Variants in ARHGEF3 observed in about 807,000 individuals in gnomAD.
ARHGEF3 encodes 59.8 kDA protein.
A neutral mutation model predicts 63.2 loss-of-function variants in ARHGEF3; 28 were observed. The observed-to-expected ratio is 0.44, with a 90% CI of 0.33 to 0.61. The LOEUF is 0.61. Among genes scored for constraint, ARHGEF3 ranks in the 20% least tolerant of loss-of-function variants. The pLI is 0.03. For missense variants in ARHGEF3, 533 were observed against 659.3 expected, an observed-to-expected ratio of 0.81 and a Z score of 2.10; for synonymous variants, 266 against 254.2, an observed-to-expected ratio of 1.05 and a Z score of -0.44.
At chr3:56,844,318 T>C (rs1020937572) in intron 4 of ARHGEF3, among the ~76,000 whole-genome samples, 1 of 152,208 alleles carries the variant, frequency 6.6e-6, no homozygotes, top group Non-Finnish European at 1.5e-5. Flanking sequence ...GTGCCAGGAT[T>C]AGCTTTTCTA....
chr3:56,759,405 G>A lies in ARHGEF3; in HGVS notation c.205-4254C>T, dbSNP rs892086069. On this transcript the variant is annotated intron_variant, in intron 2 of 9. Transcript: ENST00000296315. Reference sequence around the variant, plus strand: ...ATGTTGGTCTCGATCTCCTGACCTCGTGATCCGCCTGCCTTGGCCTCCCGA... The same window carrying A: ...ATGTTGGTCTCGATCTCCTGACCTCATGATCCGCCTGCCTTGGCCTCCCGA... Among the ~76,000 whole-genome samples, 7 of 152,224 alleles carry A rather than the reference G, an allele frequency of 4.6e-5. 1 individual carries two copies. Among genetic ancestry groups the A allele is most frequent in the East Asian group, 1.9e-4 (1 of 5,166 alleles).
At chr3:56,784,637 G>A (rs1460769832) in intron 1 of ARHGEF3, among the ~76,000 whole-genome samples, 3 of 152,214 alleles carry the variant, frequency 2.0e-5, no homozygotes, top group African/African-American at 7.2e-5. Context: ...TGGAGAAGGA[G>A]GAAAAGGATG....
rs1406618896 is a variant in ARHGEF3 at position 56,753,525 on chromosome 3, T to C, written c.417A>G (p.Glu139=). The C allele has an allele frequency of 6.2e-7, 1 of 1,613,690 alleles. No individual in the cohort carries two copies. The highest frequency in any genetic ancestry group is 1.3e-5 in the African/African-American group (1 of 74,916). The part of the protein sequence containing the change: ...ELSQGEEDLI[E]DLKLAKKAYH... The stretch of plus-strand genomic sequence containing the variant: ...TTACCTTTTTTGCTAATTTCAAGTC[T>C]TCTATCAAGTCTTCTTCTCCTTGGG... Residue 139 remains glutamate (E), a synonymous_variant, in exon 4 of 10, where the codon GAA becomes GAG. Transcript: ENST00000296315.
chr3:56,864,778 T>C (rs1171152409), intron 4 of ARHGEF3, among the ~76,000 whole-genome samples: 1 of 152,226 alleles, frequency 6.6e-6, no homozygotes, highest in Non-Finnish European at 1.5e-5. Context: ...CAGGAAGCTA[T>C]GCAATGATCA....
At position 56,983,937 on chromosome 3, in the gene ARHGEF3, G is replaced by GAAAA. The variant is rs11401240; in HGVS notation, c.63-25052_63-25049dup. ...GTGACAGAGCGAGACTCCGTCTCGAGAAAAAAAAAAAAAAAAAAGACTGGC... is the reference window on the plus strand; with the variant it reads ...GTGACAGAGCGAGACTCCGTCTCGAGAAAAAAAAAAAAAAAAAAAAAAGACTGGC... On this transcript the variant is annotated intron_variant, in intron 2 of 12. Coordinates refer to the ARHGEF3 transcript ENST00000338458. 1.2e-4 allele frequency among the ~76,000 whole-genome samples: 14 copies of GAAAA among 112,510 alleles called. No homozygotes were observed. In the South Asian group the frequency reaches 2.0e-3, roughly 16 times the overall value. The allele number at this position is 112,510 out of a possible 152,430, so 73.8% of individuals were successfully genotyped here. A position where few individuals can be genotyped will look rare whatever the true frequency, so the allele number is the denominator to read the frequency against.
chr3:57,036,955 G>A (rs1016314286), intron 1 of ARHGEF3, among the ~76,000 whole-genome samples: 8 of 152,216 alleles, frequency 5.3e-5, no homozygotes, highest in Admixed American at 3.3e-4. Flanking sequence ...AGGACCTACA[G>A]GATACCTGGG....
At chr3:57,006,749 C>G (rs753818386) in intron 2 of ARHGEF3, among the ~76,000 whole-genome samples, 8 of 152,200 alleles carry the variant, frequency 5.3e-5, no homozygotes, top group Non-Finnish European at 8.8e-5. Flanking sequence ...GACACCCCCC[C>G]AAACACGGTC....
At chr3:57,011,232 G>A (rs1411597322) in intron 2 of ARHGEF3, among the ~76,000 whole-genome samples, 13 of 152,126 alleles carry the variant, frequency 8.5e-5, no homozygotes, top group Admixed American at 7.2e-4. Context: ...AAGTTAAACC[G>A]CCTGGAACTT....
intron 4 of ARHGEF3, among the ~76,000 whole-genome samples, chr3:56,861,935 A>G (rs1485850590): frequency 6.7e-6 from 1 of 148,976 alleles, no homozygotes. Flanking sequence ...CTCTGCTTCC[A>G]CTGGTCTATA....
chr3:56,986,559 A>T (rs1362479824), intron 2 of ARHGEF3, among the ~76,000 whole-genome samples: 1 of 152,180 alleles, frequency 6.6e-6, no homozygotes, highest in African/African-American at 2.4e-5. Context: ...GGGACGGTGC[A>T]GTTGGGAGTA....
chr3:56,773,881 T>A (rs1461287850), intron 1 of ARHGEF3, 65 bp from the exon 2 acceptor site: 2 of 1,319,904 alleles, frequency 1.5e-6, no homozygotes, highest in Non-Finnish European at 2.1e-6. Context: ...CATAACTCCA[T>A]CATACAACTG....
At chr3:56,932,503 T>C (rs919908194) in intron 3 of ARHGEF3, among the ~76,000 whole-genome samples, 1 of 152,172 alleles carries the variant, frequency 6.6e-6, no homozygotes, top group Non-Finnish European at 1.5e-5. Context: ...TTACAACTCA[T>C]ATGAACAAAA....
At chr3:56,909,116 G>A (rs1001837234) in intron 3 of ARHGEF3, among the ~76,000 whole-genome samples, 13 of 152,222 alleles carry the variant, frequency 8.5e-5, no homozygotes, top group Non-Finnish European at 1.6e-4. Context: ...GAGAGAGAAA[G>A]AAGGAGAAGG....
chr3:57,001,941 T>G (rs1702210918), intron 2 of ARHGEF3, among the ~76,000 whole-genome samples: 1 of 143,772 alleles, frequency 7.0e-6, no homozygotes, highest in Non-Finnish European at 1.5e-5. Flanking sequence ...TTTTTTGTTT[T>G]GAGACGGAGT....
chr3:56,995,070 G>A (rs1189192636), intron 2 of ARHGEF3, among the ~76,000 whole-genome samples: 1 of 152,026 alleles, frequency 6.6e-6, no homozygotes, highest in Non-Finnish European at 1.5e-5. Context: ...GTTCTCCTCT[G>A]GGGAACTGTT....
chr3:56,977,530 T>A (rs1258892458), intron 2 of ARHGEF3, among the ~76,000 whole-genome samples: 1 of 152,160 alleles, frequency 6.6e-6, no homozygotes, highest in Non-Finnish European at 1.5e-5. Flanking sequence ...TGCCCCCAAC[T>A]TGCTCAAAGT....
Position 56,993,953 on chromosome 3 carries a change from A to G in ARHGEF3, c.63-35064T>C, listed in dbSNP as rs557649522. ...GTGATGGGTGCCTGTAATCCCAGCT[A>G]CTCAGGAGGCTGAGGCAGGAGAAAC... On this transcript the variant is annotated intron_variant, in intron 2 of 12. Coordinates refer to the ARHGEF3 transcript ENST00000338458. Among the ~76,000 whole-genome samples the G allele has an allele frequency of 1.3e-3, 193 of 150,626 alleles. 1 individual carries two copies. The highest frequency in any genetic ancestry group is 2.2e-3 in the Non-Finnish European group (150 of 67,668).
chr3:57,003,513 C>T (rs1702346508), intron 2 of ARHGEF3, among the ~76,000 whole-genome samples: 1 of 151,468 alleles, frequency 6.6e-6, no homozygotes, highest in African/African-American at 2.4e-5. Flanking sequence ...AGGCTGTGAG[C>T]TTAGCACTAC....
At chr3:56,827,885 C>T (rs1454732107) in intron 4 of ARHGEF3, among the ~76,000 whole-genome samples, 3 of 128,922 alleles carry the variant, frequency 2.3e-5, no homozygotes, top group Non-Finnish European at 4.7e-5. Flanking sequence ...GTCAAGGCTG[C>T]ACTGAGCCAT....
Sources: allele counts gnomAD v4.1 joint callset (sites outside exome capture counted in the v4.1 genomes callset), GRCh38; gene constraint gnomAD v4.1.1; transcripts MANE v1.5; gene names NCBI Gene and HGNC (gene_info 2026-07-23, HGNC 2026-07-21).